The following COL6A6 variants were observed in gnomAD, a reference collection of about 807,000 sequenced individuals.
COL6A6 encodes the protein collagen alpha-6(VI) chain.
Under a neutral mutation model 208.6 loss-of-function variants are expected in COL6A6, and 183 were observed. The observed-to-expected ratio is 0.88, with a 90% CI of 0.78 to 0.99. The LOEUF is 0.99. Among genes scored for constraint, COL6A6 ranks in the 50% least tolerant of loss-of-function variants. COL6A6 has a pLI of 0.00. For missense variants in COL6A6, 2,816 were observed against 2,815.2 expected (o/e 1.00, Z -0.01); for synonymous variants, 973 against 1,011.8 (o/e 0.96, Z 0.73).
chr3:130,649,077 G>A lies in COL6A6; in HGVS notation c.5248G>A (p.Glu1750Lys), dbSNP rs1442706483. The change falls in exon 33 of 37, where the codon GAA (glutamate) becomes AAA (lysine). Residue 1750 changes from glutamate to lysine, a missense_variant. Coordinates refer to ENST00000358511, the MANE Select transcript of COL6A6 (RefSeq NM_001102608.3). ...DRSPGRHGKP[E>K]CPVHPTELVF... ...GGGATATGGTCTTTTAGGAAAACCG[G>A]AATGCCCAGTGCACCCAACCGAGTT... The A allele has an allele frequency of 1.3e-6, 2 of 1,560,242 alleles. No homozygotes were observed. The highest frequency in any genetic ancestry group is 1.7e-6 in the Non-Finnish European group (2 of 1,151,438).
intron 10 of COL6A6, among the ~76,000 whole-genome samples, chr3:130,582,576 T>A (rs542508087): frequency 6.6e-5 from 10 of 152,170 alleles, no homozygotes; most frequent in Non-Finnish European, 1.2e-4. Flanking sequence ...TTTGAGATTT[T>A]TAAGCTCTGG....
At chr3:130,621,980 A>T (rs2064733556) in intron 24 of COL6A6, 97 bp downstream of exon 24, 2 of 1,058,518 alleles carry the variant, frequency 1.9e-6, no homozygotes, top group African/African-American at 1.6e-5. Flanking sequence ...CACAAACAAG[A>T]ACACATTTTC....
At chr3:130,575,241 A>G (rs2063266916) in intron 8 of COL6A6, among the ~76,000 whole-genome samples, 1 of 152,210 alleles carries the variant, frequency 6.6e-6, no homozygotes, top group Admixed American at 6.5e-5. Flanking sequence ...TTTCCGGGAC[A>G]AGTTGCCTAA....
intron 26 of COL6A6, among the ~76,000 whole-genome samples, chr3:130,634,076 A>AAAAAG (rs2065024643): frequency 9.7e-6 from 1 of 103,596 alleles, no homozygotes; most frequent in Non-Finnish European, 1.7e-5. Flanking sequence ...AAAAAAAAAA[A>AAAAAG]TGCCAGTTAC....
Position 130,565,416 on chromosome 3 carries a change from A to G in COL6A6, c.1084A>G (p.Ile362Val), listed in dbSNP as rs2062994385. Residue 362 changes from isoleucine to valine, a missense_variant, in exon 4 of 37, where the codon ATC becomes GTC. Transcript: ENST00000358511. ...AVNLRREGVT[I>V]FTLGIEGASD... The stretch of plus-strand genomic sequence containing the variant: ...TAACCTCCGACGGGAGGGTGTGACC[A>G]TCTTCACCCTGGGCATAGAGGGCGC... 7 of 1,613,928 alleles carry G rather than the reference A, an allele frequency of 4.3e-6. No individual in the cohort carries two copies. The highest frequency in any genetic ancestry group is 1.1e-5 in the South Asian group (1 of 91,078).
chr3:130,604,309 C>A (rs1484352987), intron 20 of COL6A6, among the ~76,000 whole-genome samples: 3 of 151,830 alleles, frequency 2.0e-5, no homozygotes, highest in Non-Finnish European at 2.9e-5. Context: ...CTGGCTAACA[C>A]AGTGAAACCC....
At chr3:130,534,955 A>G (rs1429118019) in intron 1 of COL6A6, among the ~76,000 whole-genome samples, 1 of 151,988 alleles carries the variant, frequency 6.6e-6, no homozygotes, top group African/African-American at 2.4e-5. Flanking sequence ...TCTGGCATCT[A>G]TCGATATGAA....
intron 1 of COL6A6, among the ~76,000 whole-genome samples, chr3:130,540,186 G>A (rs1207780856): frequency 6.6e-6 from 1 of 152,016 alleles, no homozygotes; most frequent in East Asian, 1.9e-4. Flanking sequence ...AAAAATAGAC[G>A]ACTTTTTTAG....
intron 1 of COL6A6, among the ~76,000 whole-genome samples, chr3:130,555,003 C>T (rs896724918): frequency 6.6e-6 from 1 of 152,176 alleles, no homozygotes; most frequent in Non-Finnish European, 1.5e-5. Flanking sequence ...GGGCAGCACT[C>T]AGGTCAGACT....
At chr3:130,661,599 T>C (rs2065932805) in intron 34 of COL6A6, 38 bp from the exon 35 acceptor site, 1 of 1,528,332 alleles carries the variant, frequency 6.5e-7, no homozygotes, top group African/African-American at 1.4e-5. Flanking sequence ...CCCTTTTCTA[T>C]TTCTACTTAG....
At chr3:130,648,605 G>A (rs1349014217) in intron 32 of COL6A6, among the ~76,000 whole-genome samples, 2 of 152,206 alleles carry the variant, frequency 1.3e-5, no homozygotes, top group Non-Finnish European at 2.9e-5. Flanking sequence ...TGTAAATTAT[G>A]TCAGTTTTCT....
At chr3:130,559,564 T>C (rs929827457) in intron 1 of COL6A6, among the ~76,000 whole-genome samples, 2 of 152,228 alleles carry the variant, frequency 1.3e-5, no homozygotes, top group Non-Finnish European at 2.9e-5. Flanking sequence ...TATTAATGGA[T>C]CAATTCATTT....
chr3:130,598,038 C>CAGT (rs548024493), intron 18 of COL6A6, among the ~76,000 whole-genome samples: 333 of 152,254 alleles, frequency 2.2e-3, no homozygotes, highest in Middle Eastern at 0.014. Flanking sequence ...GAAGGGGTGG[C>CAGT]AGTAACAAGA....
chr3:130,609,075 A>G, intron 22 of COL6A6, 111 bp downstream of exon 22: 1 of 776,914 alleles, frequency 1.3e-6, no homozygotes, highest in South Asian at 1.7e-5. Flanking sequence ...TTCCATGTTT[A>G]AAGTTCTCAT....
chr3:130,568,308 G>C lies in COL6A6; in HGVS notation c.2105G>C (p.Gly702Ala). The change falls in exon 6 of 37, where the codon GGT becomes GCT. Residue 702 changes from glycine (G) to alanine (A), a missense_variant. Gly to Ala is a moderately conservative substitution (Grantham distance 60, BLOSUM62 0). Coordinates refer to ENST00000358511, the MANE Select transcript of COL6A6 (RefSeq NM_001102608.3). Reference protein sequence around the residue: ...MAHIGQTTLTGSALSFVSQYF... With the variant: ...MAHIGQTTLTASALSFVSQYF... Reference sequence around the variant, plus strand: ...CACATTGGACAAACCACCCTGACTGGTAGTGCCCTGAGCTTTGTGTCTCAG... The same window carrying C: ...CACATTGGACAAACCACCCTGACTGCTAGTGCCCTGAGCTTTGTGTCTCAG... 1 of 1,613,994 alleles carries C rather than the reference G, an allele frequency of 6.2e-7. No individual in the cohort carries two copies. Among genetic ancestry groups the C allele is most frequent in the East Asian group, 2.2e-5 (1 of 44,884 alleles).
At chr3:130,642,593 G>A (rs904699035) in intron 29 of COL6A6, among the ~76,000 whole-genome samples, 3 of 152,148 alleles carry the variant, frequency 2.0e-5, no homozygotes, top group Non-Finnish European at 2.9e-5. Flanking sequence ...AGATGGACCC[G>A]GAGGAAAGCG....
At chr3:130,655,922 G>A (rs1434469878) in intron 33 of COL6A6, among the ~76,000 whole-genome samples, 3 of 152,212 alleles carry the variant, frequency 2.0e-5, no homozygotes, top group Non-Finnish European at 4.4e-5. Context: ...GAGCAGCGAG[G>A]GGTGTGTGAG....
intron 18 of COL6A6, among the ~76,000 whole-genome samples, chr3:130,598,073 A>G (rs2063899637): frequency 6.6e-6 from 1 of 152,182 alleles, no homozygotes; most frequent in Non-Finnish European, 1.5e-5. Flanking sequence ...ACCCAGGGTA[A>G]GAGTTGCCAT....
At position 130,628,762 on chromosome 3, in the gene COL6A6, TC is replaced by T. The variant is rs1423359010; in HGVS notation, c.4992+1394del. 1.2e-4 allele frequency among the ~76,000 whole-genome samples: 8 copies of T among 65,326 alleles called. No individual in the cohort carries two copies. In the South Asian group the frequency reaches 3.6e-3, roughly 29 times the overall value. 42.9% of individuals were successfully genotyped at this position (65,326 alleles called of 152,430 possible). A position where few individuals can be genotyped will look rare whatever the true frequency, so the allele number is the denominator to read the frequency against. Reference sequence around the variant, plus strand: ...GATGGCCGAATAGGAACAGCTCCGGTCTACAGCTCCCTGCGTGAGCGACGCA... The same window carrying T: ...GATGGCCGAATAGGAACAGCTCCGGTTACAGCTCCCTGCGTGAGCGACGCA... On this transcript the variant is annotated intron_variant, in intron 26 of 36. Transcript: ENST00000358511.
Sources: gnomAD v4.1 joint callset for allele counts (sites outside exome capture counted in the v4.1 genomes callset) on GRCh38, gnomAD v4.1.1 for gene constraint, MANE v1.5 for transcripts, NCBI Gene and HGNC (gene_info 2026-07-23, HGNC 2026-07-21) for gene names.